TNKS: variants seen among roughly 807,000 people sequenced by gnomAD.
The protein encoded by TNKS is poly [ADP-ribose] polymerase tankyrase-1.
A neutral mutation model predicts 135.8 loss-of-function variants in TNKS; 72 were observed. The observed-to-expected ratio is 0.53, with a 90% CI of 0.44 to 0.64. TNKS has a LOEUF of 0.64. Ranked by LOEUF, TNKS falls within the 30% of genes least tolerant of loss-of-function variation. The probability of loss-of-function intolerance (pLI) is 0.00; values close to 1 mark genes in which losing one functional copy is unlikely to be tolerated. For synonymous variants in TNKS, 849 were observed against 649.3 expected (o/e 1.31, Z -4.68); for missense variants, 1,769 against 1,674.0 (o/e 1.06, Z -0.99).
intron 12 of TNKS, among the ~76,000 whole-genome samples, chr8:9,721,035 A>G (rs1057144218): frequency 3.9e-5 from 6 of 151,970 alleles, no homozygotes; most frequent in Non-Finnish European, 4.4e-5. Flanking sequence ...TAATCCCAAT[A>G]CTTTGGGATG....
At chr8:9,566,745 A>G (rs544862835) in intron 1 of TNKS, among the ~76,000 whole-genome samples, 1 of 151,506 alleles carries the variant, frequency 6.6e-6, no homozygotes, top group East Asian at 1.9e-4. Flanking sequence ...AGTAGCTGGG[A>G]CTACAGGCGC....
chr8:9,600,268 CT>C (rs1415043761), intron 2 of TNKS, among the ~76,000 whole-genome samples: 1 of 152,146 alleles, frequency 6.6e-6, no homozygotes, highest in Non-Finnish European at 1.5e-5. Flanking sequence ...CCATGGCAGA[CT>C]TTGTAGTGAA....
At position 9,679,986 on chromosome 8, in the gene TNKS, A is replaced by C; in HGVS notation, c.1030A>C (p.Arg344=). ...GAAAGACGAACTCCTAGAAGCTGCTAGGTAAGTGATTCCATTCATTTTAAG... is the reference window on the plus strand; with the variant it reads ...GAAAGACGAACTCCTAGAAGCTGCTCGGTAAGTGATTCCATTCATTTTAAG... ...YKKDELLEAA[R]SGNEEKLMAL... Residue 344 remains arginine, a splice_region_variant and synonymous_variant, in exon 4 of 27, where the codon AGG becomes CGG. Transcript: ENST00000310430. The C allele has an allele frequency of 6.2e-7, 1 of 1,611,420 alleles. No individual in the cohort carries two copies.
chr8:9,571,739 C>T (rs1413291276), intron 1 of TNKS, among the ~76,000 whole-genome samples: 1 of 152,178 alleles, frequency 6.6e-6, no homozygotes, highest in African/African-American at 2.4e-5. Context: ...GCTGGGATCA[C>T]AGACGTGAGC....
chr8:9,730,446 C>T (rs1667161586), intron 13 of TNKS, among the ~76,000 whole-genome samples: 1 of 152,128 alleles, frequency 6.6e-6, no homozygotes, highest in Non-Finnish European at 1.5e-5. Flanking sequence ...ATTCTCCAGA[C>T]CCTTTTTGCT....
At chr8:9,581,348 A>G (rs535682141) in intron 2 of TNKS, among the ~76,000 whole-genome samples, 88 of 152,316 alleles carry the variant, frequency 5.8e-4, no homozygotes, top group Non-Finnish European at 1.0e-3. Context: ...ATCCTTTGCT[A>G]CTTGAGCATC....
At chr8:9,595,748 A>G (rs1798760742) in intron 2 of TNKS, among the ~76,000 whole-genome samples, 1 of 152,138 alleles carries the variant, frequency 6.6e-6, no homozygotes, top group Non-Finnish European at 1.5e-5. Context: ...CTTAATGCCC[A>G]GGTCTGTCTG....
At chr8:9,765,226 C>G (rs1025817130) in intron 23 of TNKS, among the ~76,000 whole-genome samples, 3 of 152,068 alleles carry the variant, frequency 2.0e-5, no homozygotes, top group Non-Finnish European at 4.4e-5. Flanking sequence ...GAACAGATGA[C>G]TCAAGCTTTT....
At chr8:9,586,717 T>C (rs1244343679) in intron 2 of TNKS, among the ~76,000 whole-genome samples, 1 of 139,946 alleles carries the variant, frequency 7.1e-6, no homozygotes, top group Non-Finnish European at 1.5e-5. Flanking sequence ...AATTTATATC[T>C]AAAACGTGTG....
intron 2 of TNKS, among the ~76,000 whole-genome samples, chr8:9,605,098 A>G (rs943585839): frequency 2.0e-5 from 3 of 152,126 alleles, no homozygotes; most frequent in Admixed American, 6.5e-5. Context: ...GTGTATACCC[A>G]TATAACTACC....
At chr8:9,615,217 C>G (rs1585233449) in intron 2 of TNKS, 1 of 161,784 alleles carries the variant, frequency 6.2e-6, no homozygotes, top group Non-Finnish European at 1.3e-5. Context: ...CAAGCAGCCA[C>G]AGTGGTAGTA....
chr8:9,583,440 A>G (rs926238996), intron 2 of TNKS, among the ~76,000 whole-genome samples: 5 of 152,042 alleles, frequency 3.3e-5, no homozygotes, highest in Non-Finnish European at 7.4e-5. Context: ...TACCCCTCAA[A>G]TATAGTCTCC....
chr8:9,627,672 CTG>C (rs1800115551), intron 3 of TNKS, among the ~76,000 whole-genome samples: 2 of 152,040 alleles, frequency 1.3e-5, no homozygotes, highest in Non-Finnish European at 2.9e-5. Context: ...AGAGGCAAAA[CTG>C]TTTGTTTGTG....
At chr8:9,681,418 C>T (rs924594295) in intron 5 of TNKS, among the ~76,000 whole-genome samples, 3 of 152,110 alleles carry the variant, frequency 2.0e-5, no homozygotes, top group African/African-American at 7.2e-5. Context: ...GCTTCATTAT[C>T]TACTTTGTAT....
At chr8:9,657,309 C>A (rs1167868620) in intron 3 of TNKS, among the ~76,000 whole-genome samples, 2 of 71,642 alleles carry the variant, frequency 2.8e-5, no homozygotes, top group African/African-American at 5.2e-5. Context: ...CCGACCCCCC[C>A]ACCTCCCTCC....
intron 3 of TNKS, among the ~76,000 whole-genome samples, chr8:9,661,087 T>C (rs1801687372): frequency 2.0e-5 from 3 of 151,874 alleles, no homozygotes; most frequent in South Asian, 4.2e-4. Flanking sequence ...TAAAAGAGGA[T>C]ACAAACAAAT....
At chr8:9,704,591 C>G in intron 5 of TNKS, 72 bp from the exon 6 acceptor site, 3 of 1,287,686 alleles carry the variant, frequency 2.3e-6, no homozygotes, top group Non-Finnish European at 3.3e-6. Context: ...GTGTTTAAAT[C>G]TGAAATGGCA....
intron 1 of TNKS, among the ~76,000 whole-genome samples, chr8:9,560,183 C>G (rs1303464336): frequency 6.6e-6 from 1 of 152,026 alleles, no homozygotes; most frequent in African/African-American, 2.4e-5. Context: ...CCCATATATT[C>G]TGAAGACGTC....
rs369068511 is a variant in TNKS at position 9,748,151 on chromosome 8, C to T, written c.2771C>T (p.Ala924Val). The change falls in exon 18 of 27, where the codon GCG (alanine) becomes GTG (valine). Residue 924 changes from alanine (A) to valine (V), a missense_variant. Coordinates refer to ENST00000310430, the MANE Select transcript of TNKS (RefSeq NM_003747.3). ...ACGCAGCTGTGCGCCCTCCTCCTAG[C>T]GCATGGTGCAGACCCCACCATGAAG... ...GRTQLCALLLAHGADPTMKNQ... is the reference protein window; with the variant it reads ...GRTQLCALLLVHGADPTMKNQ... 2 of 1,614,090 alleles carry T rather than the reference C, an allele frequency of 1.2e-6. No homozygotes were observed. Among genetic ancestry groups the T allele is most frequent in the Non-Finnish European group, 8.5e-7 (1 of 1,180,012 alleles).
Sources: gnomAD v4.1 joint callset for allele counts (sites outside exome capture counted in the v4.1 genomes callset) on GRCh38, gnomAD v4.1.1 for gene constraint, MANE v1.5 for transcripts, NCBI Gene and HGNC (gene_info 2026-07-23, HGNC 2026-07-21) for gene names.